Variants in IQSEC1 observed in about 807,000 individuals in gnomAD.
IQSEC1 encodes IQ motif and Sec7 domain ArfGEF 1.
A neutral mutation model predicts 91.0 loss-of-function variants in IQSEC1; 31 were observed. The ratio of observed to expected loss-of-function variants is 0.34; its 90% CI spans 0.26 to 0.46. IQSEC1 has a LOEUF of 0.46. IQSEC1 is among the 20% of genes least tolerant of loss of function. IQSEC1 has a pLI of 1.00. For synonymous variants in IQSEC1, 699 were observed against 662.6 expected (o/e 1.05, Z -0.84); for missense variants, 1,388 against 1,575.6 (o/e 0.88, Z 2.02).
chr3:13,110,349 G>A (rs1706222742), intron 2 of IQSEC1, among the ~76,000 whole-genome samples: 1 of 151,892 alleles, frequency 6.6e-6, no homozygotes, highest in Non-Finnish European at 1.5e-5. Flanking sequence ...CCAGCACTTT[G>A]GGAGGCCAAG....
chr3:13,152,167 TGGA>T (rs998128371), intron 2 of IQSEC1, among the ~76,000 whole-genome samples: 12 of 152,184 alleles, frequency 7.9e-5, no homozygotes, highest in African/African-American at 2.9e-4. Flanking sequence ...ATGCTTCTCT[TGGA>T]AAACGTATGC....
At chr3:13,010,318 T>C (rs1702824576) in intron 1 of IQSEC1, among the ~76,000 whole-genome samples, 2 of 152,198 alleles carry the variant, frequency 1.3e-5, no homozygotes, top group African/African-American at 4.8e-5. Flanking sequence ...GTCCATCTAA[T>C]TTGGGTCAGC....
At chr3:13,179,573 T>G (rs1693797248) in intron 1 of IQSEC1, among the ~76,000 whole-genome samples, 1 of 152,238 alleles carries the variant, frequency 6.6e-6, no homozygotes, top group Non-Finnish European at 1.5e-5. Context: ...AGCTTCAAAA[T>G]GAGAGGTGAC....
intron 1 of IQSEC1, among the ~76,000 whole-genome samples, chr3:13,208,238 C>T (rs1161723216): frequency 6.6e-6 from 1 of 150,982 alleles, no homozygotes; most frequent in South Asian, 2.1e-4. Flanking sequence ...TTGGGAGACA[C>T]ATCCTCTCCA....
chr3:13,042,431 G>C (rs1052323202), intron 1 of IQSEC1: 6 of 152,328 alleles, frequency 3.9e-5, no homozygotes, highest in African/African-American at 1.4e-4. Flanking sequence ...GGGCTAGTGG[G>C]AGGTGGAGAA....
intron 3 of IQSEC1, among the ~76,000 whole-genome samples, chr3:12,933,028 C>G (rs925416900): frequency 1.3e-5 from 2 of 152,262 alleles, no homozygotes; most frequent in East Asian, 3.8e-4. Flanking sequence ...GGCGTCCCCC[C>G]AGACAGAGGC....
chr3:13,111,663 G>A (rs1706246937), intron 2 of IQSEC1, among the ~76,000 whole-genome samples: 1 of 152,142 alleles, frequency 6.6e-6, no homozygotes, highest in South Asian at 2.1e-4. Flanking sequence ...ACGCTGAGAT[G>A]AGGTCATGGG....
chr3:12,977,928 A>C lies in IQSEC1; in HGVS notation c.24-36063T>G, dbSNP rs534547765. 1.2e-4 allele frequency among the ~76,000 whole-genome samples: 18 copies of C among 152,344 alleles called. No individual in the cohort carries two copies. In the South Asian group the frequency reaches 2.1e-3, roughly 18 times the overall value. ...GACGTGTGATTCACTGTTTGAATAA[A>C]TCTGTCATTGAGAATGTGTGCATTC... On this transcript the variant is annotated intron_variant, in intron 1 of 13. Coordinates refer to ENST00000613206, the MANE Select transcript of IQSEC1 (RefSeq NM_001134382.3).
In IQSEC1 at chr3:12,900,534, AT is replaced by A. The variant is rs759485709; in HGVS notation, c.*448del. 5.2e-6 allele frequency: 5 copies of A among 966,872 alleles called. No individual in the cohort carries two copies. The South Asian group carries it at 1.9e-4, about 37-fold the overall frequency. The allele number at this position is 966,872 out of a possible 1,614,324, so 59.9% of individuals were successfully genotyped here. A position where few individuals can be genotyped will look rare whatever the true frequency, so the allele number is the denominator to read the frequency against. On this transcript the variant is annotated 3_prime_UTR_variant, in exon 14 of 14. Transcript: ENST00000613206. The stretch of plus-strand genomic sequence containing the variant: ...TTCATCAACCATATCAGGTCTACTT[AT>A]TTTTTTGCCCATTGTCAATAAAAGA...
intron 1 of IQSEC1, among the ~76,000 whole-genome samples, chr3:13,277,105 TTAAAAAAAAA>T (rs1695697966): frequency 1.4e-4 from 6 of 42,226 alleles, no homozygotes; most frequent in African/African-American, 8.3e-4. Flanking sequence ...TTGCTCCTCC[TTAAAAAAAAA>T]AAAAAAAAAA....
intron 1 of IQSEC1, chr3:13,022,020 C>T (rs1703421857): frequency 1.8e-5 from 22 of 1,230,338 alleles, no homozygotes; most frequent in Middle Eastern, 3.1e-4. Flanking sequence ...CAGCCATGCA[C>T]GCGTCCCGGT....
At chr3:12,978,120 C>A (rs1559693396) in intron 1 of IQSEC1, among the ~76,000 whole-genome samples, 1 of 152,240 alleles carries the variant, frequency 6.6e-6, no homozygotes, top group South Asian at 2.1e-4. Context: ...CATGAGTTCA[C>A]ATAATCCTGA....
At chr3:13,124,009 A>G (rs1016288392) in intron 2 of IQSEC1, among the ~76,000 whole-genome samples, 2 of 152,238 alleles carry the variant, frequency 1.3e-5, no homozygotes, top group African/African-American at 2.4e-5. Context: ...TGAGAACAAC[A>G]GCGGCCAAGG....
At chr3:13,233,779 A>G (rs1694874001) in intron 1 of IQSEC1, among the ~76,000 whole-genome samples, 1 of 152,140 alleles carries the variant, frequency 6.6e-6, no homozygotes, top group Non-Finnish European at 1.5e-5. Flanking sequence ...GGGAAGAGTG[A>G]GGGCTCCCGG....
chr3:13,131,525 C>T (rs879699569), intron 2 of IQSEC1, among the ~76,000 whole-genome samples: 4 of 132,756 alleles, frequency 3.0e-5, no homozygotes, highest in Non-Finnish European at 6.2e-5. Flanking sequence ...CTCACTTTGT[C>T]ACCCAGACTG....
chr3:13,242,796 G>A (rs1227511564), intron 1 of IQSEC1, among the ~76,000 whole-genome samples: 2 of 151,760 alleles, frequency 1.3e-5, no homozygotes, highest in Admixed American at 6.6e-5. Context: ...ACTGGTTGGA[G>A]TTTCATCTGA....
At chr3:13,140,166 T>C (rs1235136604) in intron 2 of IQSEC1, among the ~76,000 whole-genome samples, 1 of 152,126 alleles carries the variant, frequency 6.6e-6, no homozygotes, top group Non-Finnish European at 1.5e-5. Flanking sequence ...CAGTCTTCCT[T>C]GCCTTCCCTC....
At chr3:12,953,298 G>A (rs1475215258) in intron 1 of IQSEC1, among the ~76,000 whole-genome samples, 2 of 152,230 alleles carry the variant, frequency 1.3e-5, no homozygotes, top group Admixed American at 6.5e-5. Flanking sequence ...CCCGATCCGC[G>A]AGGGACACTG....
Position 13,030,007 on chromosome 3 carries a change from T to TTAACCAGAC in IQSEC1, c.23+42976_23+42984dup, listed in dbSNP as rs568528627. 2.2e-3 allele frequency among the ~76,000 whole-genome samples: 342 copies of TTAACCAGAC among 152,342 alleles called. 1 individual carries two copies. Among genetic ancestry groups the TTAACCAGAC allele is most frequent in the Non-Finnish European group, 4.1e-3 (279 of 68,032 alleles). On this transcript the variant is annotated intron_variant, in intron 1 of 13. Transcript: ENST00000613206. ...TATTTTGAGATGAGGTCTCGCTACA[T>TTAACCAGAC]TAACCAGACTGGTCTTGAACTCCTG...
Sources: allele counts gnomAD v4.1 joint callset (sites outside exome capture counted in the v4.1 genomes callset), GRCh38; gene constraint gnomAD v4.1.1; transcripts MANE v1.5; gene names NCBI Gene and HGNC (gene_info 2026-07-23, HGNC 2026-07-21).